Variants in RIT2 observed in about 807,000 individuals in gnomAD.
RIT2 encodes GTP-binding protein Rit2.
A neutral mutation model predicts 23.7 loss-of-function variants in RIT2; 24 were observed. The ratio of observed to expected loss-of-function variants is 1.01; its 90% CI spans 0.73 to 1.43. RIT2 has a LOEUF of 1.43. RIT2 is among the 40% of genes most tolerant of loss of function. RIT2 has a pLI of 0.00. For synonymous variants in RIT2, 107 were observed against 91.1 expected (o/e 1.17, Z -0.99); for missense variants, 236 against 266.9 (o/e 0.88, Z 0.81).
chr18:42,833,844 A>C (rs958533004), intron 4 of RIT2, among the ~76,000 whole-genome samples: 10 of 152,090 alleles, frequency 6.6e-5, no homozygotes, highest in Non-Finnish European at 1.2e-4. Flanking sequence ...AATAAAATAA[A>C]ATAAAATAAA....
At chr18:42,951,328 C>T (rs1030624337) in intron 3 of RIT2, among the ~76,000 whole-genome samples, 8 of 151,930 alleles carry the variant, frequency 5.3e-5, no homozygotes, top group East Asian at 1.9e-4. Context: ...AACACAGGAA[C>T]AGAAAACCAA....
At chr18:43,027,457 G>T (rs1027430659) in intron 2 of RIT2, among the ~76,000 whole-genome samples, 1 of 152,028 alleles carries the variant, frequency 6.6e-6, no homozygotes, top group African/African-American at 2.4e-5. Context: ...GAATGGAAAT[G>T]GTAGTACTGG....
At chr18:42,998,354 A>T (rs547051480) in intron 2 of RIT2, among the ~76,000 whole-genome samples, 1 of 152,252 alleles carries the variant, frequency 6.6e-6, no homozygotes, top group South Asian at 2.1e-4. Flanking sequence ...TCATAAGTAG[A>T]GATGCCTATA....
At chr18:43,027,101 GAAAGAATTAA>G (rs1430398187) in intron 2 of RIT2, among the ~76,000 whole-genome samples, 2 of 150,486 alleles carry the variant, frequency 1.3e-5, no homozygotes, top group African/African-American at 4.9e-5. Context: ...AGTTAAAATG[GAAAGAATTAA>G]TATTATCCTT....
chr18:42,904,432 A>G (rs977494262), intron 4 of RIT2, among the ~76,000 whole-genome samples: 3 of 152,124 alleles, frequency 2.0e-5, no homozygotes, highest in African/African-American at 7.2e-5. Flanking sequence ...TGGGAATTTA[A>G]GCAGTTTCCC....
intron 4 of RIT2, among the ~76,000 whole-genome samples, chr18:42,892,419 T>C (rs1426268325): frequency 1.3e-5 from 2 of 152,214 alleles, no homozygotes; most frequent in African/African-American, 2.4e-5. Context: ...TCTTAAACTA[T>C]GACTAAAAAT....
At position 43,003,551 on chromosome 18, in the gene RIT2, T is replaced by G. The variant is rs565844105; in HGVS notation, c.161-29404A>C. 2.0e-5 allele frequency among the ~76,000 whole-genome samples: 3 copies of G among 152,032 alleles called. No individual in the cohort carries two copies. In the South Asian group the frequency reaches 6.2e-4, roughly 32 times the overall value. On this transcript the variant is annotated intron_variant, in intron 2 of 4. Transcript: ENST00000326695. Reference sequence around the variant, plus strand: ...CTGAATTAAAAATAAATTCATTCAGTGTTAATCACATCTATTTCTTGACTT... The same window carrying G: ...CTGAATTAAAAATAAATTCATTCAGGGTTAATCACATCTATTTCTTGACTT...
chr18:43,042,179 G>A (rs1163400192), intron 1 of RIT2, among the ~76,000 whole-genome samples: 2 of 152,044 alleles, frequency 1.3e-5, no homozygotes, highest in Non-Finnish European at 1.5e-5. Flanking sequence ...CATTTGTCTT[G>A]GTTTTTGGGA....
At chr18:43,108,688 C>G (rs1345403989) in intron 1 of RIT2, among the ~76,000 whole-genome samples, 1 of 152,140 alleles carries the variant, frequency 6.6e-6, no homozygotes, top group Non-Finnish European at 1.5e-5. Flanking sequence ...AGCCTTTCGC[C>G]TGAATTCTGT....
At chr18:43,055,978 A>T (rs1912493205) in intron 1 of RIT2, among the ~76,000 whole-genome samples, 1 of 152,122 alleles carries the variant, frequency 6.6e-6, no homozygotes, top group Non-Finnish European at 1.5e-5. Flanking sequence ...GGTGAATTCC[A>T]CACCTAAGCC....
chr18:42,794,688 C>G (rs1318301542), intron 4 of RIT2, among the ~76,000 whole-genome samples: 1 of 152,124 alleles, frequency 6.6e-6, no homozygotes, highest in Non-Finnish European at 1.5e-5. Flanking sequence ...TTAAAACCCT[C>G]AGAGCTAATA....
intron 2 of RIT2, among the ~76,000 whole-genome samples, chr18:43,020,187 C>T (rs1911562809): frequency 6.6e-6 from 1 of 151,990 alleles, no homozygotes; most frequent in Admixed American, 6.6e-5. Flanking sequence ...AAAAAGCAAT[C>T]TTAAAATGCA....
rs1280601502 is a variant in RIT2, at chr18:42,974,116, G to A, written c.192C>T (p.Asp64=). The part of the protein sequence containing the change: ...EDAYKTQVRI[D]NEPAYLDILD... ...AGATGTCCAAGTAAGCTGGCTCATTGTCAATCCTGACCTGGGTCTTATAAG... is the reference window on the plus strand; with the variant it reads ...AGATGTCCAAGTAAGCTGGCTCATTATCAATCCTGACCTGGGTCTTATAAG... Residue 64 remains aspartate (D), a synonymous_variant, in exon 3 of 5, where the codon GAC becomes GAT. Transcript: ENST00000326695. 7 of 1,611,470 alleles carry A rather than the reference G, an allele frequency of 4.3e-6. No individual in the cohort carries two copies. In the South Asian group the frequency reaches 7.7e-5, roughly 18 times the overall value.
chr18:42,913,060 G>A (rs940707320), intron 4 of RIT2, among the ~76,000 whole-genome samples: 2 of 151,842 alleles, frequency 1.3e-5, no homozygotes, highest in African/African-American at 4.8e-5. Flanking sequence ...ACGGATCAAA[G>A]GAACAGAATA....
chr18:42,812,447 TG>T (rs1905878060), intron 4 of RIT2, among the ~76,000 whole-genome samples: 1 of 152,146 alleles, frequency 6.6e-6, no homozygotes, highest in Non-Finnish European at 1.5e-5. Context: ...CAGCATAAAC[TG>T]GTTCATATTG....
Position 43,076,358 on chromosome 18 carries a change from T to C in RIT2, c.103+39059A>G, listed in dbSNP as rs956956901. On this transcript the variant is annotated intron_variant, in intron 1 of 4. Transcript: ENST00000326695. ...TTTCCGTTAAATTGATCTTTTTTTT[T>C]CCTCTCAGTAAGTATTTATTGAGCA... Among the ~76,000 whole-genome samples the C allele has an allele frequency of 4.6e-5, 7 of 152,096 alleles. No individual in the cohort carries two copies. In the South Asian group the frequency reaches 6.2e-4, roughly 14 times the overall value.
chr18:43,060,855 T>C lies in RIT2; in HGVS notation c.104-26988A>G, dbSNP rs536748090. Reference sequence around the variant, plus strand: ...TGCATGTAAAATCAGGTATTTTAGATCATTCCGACATGAGGAAAGCATCGT... The same window carrying C: ...TGCATGTAAAATCAGGTATTTTAGACCATTCCGACATGAGGAAAGCATCGT... On this transcript the variant is annotated intron_variant, in intron 1 of 4. Coordinates refer to ENST00000326695, the MANE Select transcript of RIT2 (RefSeq NM_002930.4). Among the ~76,000 whole-genome samples, 148 of 152,236 alleles carry C rather than the reference T, an allele frequency of 9.7e-4. 1 individual carries two copies. Among genetic ancestry groups the C allele is most frequent in the African/African-American group, 3.1e-3 (129 of 41,548 alleles).
At chr18:43,082,688 C>CA (rs36084920) in intron 1 of RIT2, among the ~76,000 whole-genome samples, 6,010 of 149,080 alleles carry the variant, frequency 0.04, 328 homozygotes, top group African/African-American at 0.13. Flanking sequence ...CCTCTTCATG[C>CA]AAAAAAAAAC....
chr18:43,048,000 T>C (rs1266405135), intron 1 of RIT2, among the ~76,000 whole-genome samples: 1 of 152,164 alleles, frequency 6.6e-6, no homozygotes, highest in African/African-American at 2.4e-5. Context: ...TGGCTGCAGA[T>C]GTGGGCTGAC....
Sources: gnomAD v4.1 joint callset for allele counts (sites outside exome capture counted in the v4.1 genomes callset) on GRCh38, gnomAD v4.1.1 for gene constraint, MANE v1.5 for transcripts, NCBI Gene and HGNC (gene_info 2026-07-23, HGNC 2026-07-21) for gene names.